The following PRKCB variants were observed in gnomAD, a reference collection of about 807,000 sequenced individuals.
PRKCB encodes protein kinase C beta type.
In PRKCB, 13 loss-of-function variants were observed where a neutral mutation model predicts 81.5. The ratio of observed to expected loss-of-function variants is 0.16; its 90% CI spans 0.10 to 0.25. The LOEUF is 0.25. PRKCB is among the 10% of genes least tolerant of loss of function. The pLI, the probability that PRKCB is intolerant of heterozygous loss-of-function variation, is 1.00. For synonymous variants in PRKCB, 335 were observed against 321.4 expected, an observed-to-expected ratio of 1.04 and a Z score of -0.45; for missense variants, 509 against 875.7, an observed-to-expected ratio of 0.58 and a Z score of 5.29.
intron 5 of PRKCB, among the ~76,000 whole-genome samples, chr16:24,038,855 C>T: frequency 6.6e-6 from 1 of 152,108 alleles, no homozygotes; most frequent in East Asian, 1.9e-4. Context: ...ACAGTCAGTC[C>T]CATCTTGAGG....
At chr16:24,171,355 G>C (rs1358534076) in intron 10 of PRKCB, among the ~76,000 whole-genome samples, 1 of 152,172 alleles carries the variant, frequency 6.6e-6, no homozygotes, top group Non-Finnish European at 1.5e-5. Context: ...CATCCTCATG[G>C]CATGGCGGCA....
At chr16:24,149,971 T>G (rs1417942430) in intron 9 of PRKCB, among the ~76,000 whole-genome samples, 2 of 152,212 alleles carry the variant, frequency 1.3e-5, no homozygotes, top group African/African-American at 2.4e-5. Context: ...TCTCTTACCT[T>G]CTTTGTTTTT....
rs1289171712 is a variant in PRKCB, at chr16:23,863,089, T to A, written c.205+25683T>A. Among the ~76,000 whole-genome samples, 10 of 148,336 alleles carry A rather than the reference T, an allele frequency of 6.7e-5. No individual in the cohort carries two copies. In the East Asian group the frequency reaches 1.7e-3, roughly 26 times the overall value. On this transcript the variant is annotated intron_variant, in intron 2 of 16. Transcript: ENST00000643927. ...ATCATATATATATGATTTATATATA[T>A]GATTATATAATATATAACATATATG...
chr16:24,124,074 GGAGA>G, intron 9 of PRKCB, 93 bp downstream of exon 9: 1 of 1,421,468 alleles, frequency 7.0e-7, no homozygotes, highest in South Asian at 1.3e-5. Context: ...CGTCCTAGTG[GGAGA>G]GAGAGTAAGA....
chr16:23,992,156 C>G (rs1365460056), intron 3 of PRKCB, among the ~76,000 whole-genome samples: 1 of 152,218 alleles, frequency 6.6e-6, no homozygotes, highest in Non-Finnish European at 1.5e-5. Flanking sequence ...GTGCCTTGAT[C>G]TTGTACTTTC....
At chr16:24,110,370 C>G (rs1966660203) in intron 7 of PRKCB, among the ~76,000 whole-genome samples, 1 of 152,010 alleles carries the variant, frequency 6.6e-6, no homozygotes, top group South Asian at 2.1e-4. Flanking sequence ...TGCCACCATG[C>G]CCACCTAATT....
rs974969519 is a variant in PRKCB, at chr16:23,988,610, T to G, written c.288+20T>G. ...TCCGATGTAAGTAATGGGCATCGAT[T>G]GCTTTTCTCTGTCCACAGTCAATGC... On this transcript the variant is annotated intron_variant, in intron 3 of 16. Transcript: ENST00000643927. 2 of 1,604,526 alleles carry G rather than the reference T, an allele frequency of 1.2e-6. No individual in the cohort carries two copies. The highest frequency in any genetic ancestry group is 1.7e-6 in the Non-Finnish European group (2 of 1,171,362).
intron 3 of PRKCB, among the ~76,000 whole-genome samples, chr16:24,000,885 G>T (rs1457268596): frequency 2.6e-5 from 4 of 152,072 alleles, no homozygotes; most frequent in Non-Finnish European, 4.4e-5. Context: ...ATTCCAAATG[G>T]TCTCTGCTAT....
chr16:23,975,006 C>T (rs1567331324), intron 2 of PRKCB, among the ~76,000 whole-genome samples: 1 of 152,166 alleles, frequency 6.6e-6, no homozygotes, highest in African/African-American at 2.4e-5. Context: ...GACAGCCCCA[C>T]CAGGACTGCA....
intron 9 of PRKCB, among the ~76,000 whole-genome samples, chr16:24,140,104 A>G (rs1029987315): frequency 6.6e-6 from 1 of 152,362 alleles, no homozygotes; most frequent in East Asian, 1.9e-4. Context: ...TTCAAACCAC[A>G]TGACTTCGCA....
chr16:23,940,343 T>C (rs1224643069), intron 2 of PRKCB, among the ~76,000 whole-genome samples: 3 of 152,046 alleles, frequency 2.0e-5, no homozygotes, highest in Non-Finnish European at 4.4e-5. Context: ...CTTGGGCATC[T>C]ATCCTAGATA....
At chr16:24,122,612 A>G (rs1165426776) in intron 8 of PRKCB, among the ~76,000 whole-genome samples, 1 of 151,896 alleles carries the variant, frequency 6.6e-6, no homozygotes, top group Non-Finnish European at 1.5e-5. Flanking sequence ...GGTGCACACC[A>G]CCTTGCCTGG....
rs2141997428 is a variant in PRKCB, at chr16:24,217,247, T to G, written c.*2431T>G. 1 of 985,330 alleles carries G rather than the reference T, an allele frequency of 1.0e-6. No individual in the cohort carries two copies. 61.0% of individuals were successfully genotyped at this position (985,330 alleles called of 1,614,324 possible). A position where few individuals can be genotyped will look rare whatever the true frequency, so the allele number is the denominator to read the frequency against. On this transcript the variant is annotated 3_prime_UTR_variant, in exon 17 of 17. Transcript: ENST00000643927. ...TTCTTGCCATTATTTTTCAAAAGTTTAATAGTTTGCAGAAATAGATACTCA... is the reference window on the plus strand; with the variant it reads ...TTCTTGCCATTATTTTTCAAAAGTTGAATAGTTTGCAGAAATAGATACTCA...
intron 3 of PRKCB, among the ~76,000 whole-genome samples, chr16:24,001,536 A>G (rs1965034435): frequency 6.6e-6 from 1 of 152,258 alleles, no homozygotes; most frequent in Admixed American, 6.5e-5. Flanking sequence ...AATAAGTGAG[A>G]ACATGTTTGA....
At chr16:23,952,918 G>A (rs1447724223) in intron 2 of PRKCB, among the ~76,000 whole-genome samples, 1 of 152,166 alleles carries the variant, frequency 6.6e-6, no homozygotes, top group African/African-American at 2.4e-5. Flanking sequence ...AGGTTTAGGA[G>A]TGAGTGCCGT....
At position 24,082,160 on chromosome 16, in the gene PRKCB, CAT is replaced by C. The variant is rs533461286; in HGVS notation, c.530-10630_530-10629del. ...ATATTTAGGTATAAATCTAACAACA[CAT>C]GTCTAGAATCTATATGCTAAAAATT... On this transcript the variant is annotated intron_variant, in intron 5 of 16. Transcript: ENST00000643927. Among the ~76,000 whole-genome samples the C allele has an allele frequency of 1.8e-4, 28 of 152,270 alleles. No homozygotes were observed. In the South Asian group the frequency reaches 2.9e-3, roughly 16 times the overall value.
chr16:24,098,100 C>G (rs1966464994), intron 7 of PRKCB: 1 of 152,112 alleles, frequency 6.6e-6, no homozygotes, highest in South Asian at 2.1e-4. Flanking sequence ...TTGGAATGCC[C>G]TTGGCTGAGA....
At chr16:24,162,199 A>G (rs1226703830) in intron 10 of PRKCB, among the ~76,000 whole-genome samples, 1 of 152,060 alleles carries the variant, frequency 6.6e-6, no homozygotes, top group Non-Finnish European at 1.5e-5. Flanking sequence ...GATGATTCCC[A>G]CATGTAGAGT....
intron 3 of PRKCB, among the ~76,000 whole-genome samples, chr16:24,008,500 T>G (rs2141835613): frequency 6.6e-6 from 1 of 152,340 alleles, no homozygotes; most frequent in Non-Finnish European, 1.5e-5. Context: ...GACAACTGTT[T>G]ATTGTACGGG....
Sources: allele counts gnomAD v4.1 joint callset (sites outside exome capture counted in the v4.1 genomes callset), GRCh38; gene constraint gnomAD v4.1.1; transcripts MANE v1.5; gene names NCBI Gene and HGNC (gene_info 2026-07-23, HGNC 2026-07-21).